The following ANTXR2 variants were observed in gnomAD, a reference collection of about 807,000 sequenced individuals.
The protein encoded by ANTXR2 is anthrax toxin receptor 2.
In ANTXR2, 44 loss-of-function variants were observed where a neutral mutation model predicts 73.7. The observed-to-expected ratio is 0.60, with a 90% CI of 0.47 to 0.77. The LOEUF (loss-of-function observed/expected upper bound fraction) is 0.77. Ranked by LOEUF, ANTXR2 falls within the 30% of genes least tolerant of loss-of-function variation. The probability of loss-of-function intolerance (pLI) is 0.00; values close to 1 mark genes in which losing one functional copy is unlikely to be tolerated. For missense variants in ANTXR2, 604 were observed against 592.5 expected (o/e 1.02, Z -0.20); for synonymous variants, 217 against 205.9 (o/e 1.05, Z -0.46).
chr4:79,928,187 C>G (rs1311181194), intron 16 of ANTXR2, among the ~76,000 whole-genome samples: 1 of 152,098 alleles, frequency 6.6e-6, no homozygotes, highest in Non-Finnish European at 1.5e-5. Context: ...GAAAAAGAAA[C>G]GAAATTTAGA....
chr4:80,002,635 G>T (rs1731101318), intron 12 of ANTXR2, among the ~76,000 whole-genome samples: 1 of 151,768 alleles, frequency 6.6e-6, no homozygotes, highest in Non-Finnish European at 1.5e-5. Flanking sequence ...CCTACAAAAT[G>T]GGAGAAAATT....
intron 7 of ANTXR2, among the ~76,000 whole-genome samples, chr4:80,038,736 C>T (rs1411987181): frequency 2.0e-5 from 3 of 151,968 alleles, no homozygotes; most frequent in African/African-American, 7.2e-5. Flanking sequence ...TCAGGTAACA[C>T]ATTCATTGAA....
intron 14 of ANTXR2, among the ~76,000 whole-genome samples, chr4:79,981,337 C>G (rs984596590): frequency 6.6e-6 from 1 of 152,118 alleles, no homozygotes; most frequent in Non-Finnish European, 1.5e-5. Flanking sequence ...CAAACCTGAC[C>G]TCATCTGATG....
intron 16 of ANTXR2, among the ~76,000 whole-genome samples, chr4:79,960,451 T>C (rs1729100830): frequency 6.6e-6 from 1 of 152,074 alleles, no homozygotes; most frequent in South Asian, 2.1e-4. Flanking sequence ...TATCAGAGAA[T>C]AAAATTATTG....
intron 12 of ANTXR2, among the ~76,000 whole-genome samples, chr4:80,006,057 A>G (rs1470840153): frequency 3.3e-5 from 5 of 152,128 alleles, no homozygotes; most frequent in Admixed American, 3.3e-4. Context: ...AGAACTGTCA[A>G]CATCTTATTC....
intron 12 of ANTXR2, among the ~76,000 whole-genome samples, chr4:79,999,854 T>G (rs1730935440): frequency 6.6e-6 from 1 of 151,814 alleles, no homozygotes; most frequent in Non-Finnish European, 1.5e-5. Flanking sequence ...GCCGAGGAGT[T>G]CTAGGCTGCA....
chr4:80,062,909 A>T (rs1263408811), intron 3 of ANTXR2, among the ~76,000 whole-genome samples: 4 of 152,180 alleles, frequency 2.6e-5, no homozygotes, highest in Non-Finnish European at 4.4e-5. Context: ...TGATGAAAAT[A>T]AGGATGGTGT....
At chr4:80,013,470 G>C (rs1035198946) in intron 11 of ANTXR2, among the ~76,000 whole-genome samples, 1 of 152,150 alleles carries the variant, frequency 6.6e-6, no homozygotes, top group African/African-American at 2.4e-5. Context: ...GCATACAGAG[G>C]AGCTTCTTTA....
chr4:80,063,817 T>C (rs1312355182), intron 3 of ANTXR2, among the ~76,000 whole-genome samples: 1 of 152,194 alleles, frequency 6.6e-6, no homozygotes, highest in African/African-American at 2.4e-5. Flanking sequence ...GTATCATCAA[T>C]TGATAAGCAT....
At chr4:79,933,967 T>A (rs969324958) in intron 16 of ANTXR2, among the ~76,000 whole-genome samples, 1 of 152,026 alleles carries the variant, frequency 6.6e-6, no homozygotes, top group Non-Finnish European at 1.5e-5. Context: ...CTCGATCTCC[T>A]GACCTCGTGA....
intron 16 of ANTXR2, among the ~76,000 whole-genome samples, chr4:79,956,822 C>A (rs888429600): frequency 1.5e-4 from 23 of 151,890 alleles, no homozygotes; most frequent in African/African-American, 5.1e-4. Context: ...GTATTGGAAA[C>A]CCAAGTTTTA....
chr4:79,911,035 T>G (rs1013594444), intron 16 of ANTXR2, among the ~76,000 whole-genome samples: 1 of 152,198 alleles, frequency 6.6e-6, no homozygotes, highest in African/African-American at 2.4e-5. Flanking sequence ...GATAGCATCG[T>G]CCTTCAACTA....
At chr4:80,000,315 T>C (rs1730968730) in intron 12 of ANTXR2, among the ~76,000 whole-genome samples, 1 of 152,072 alleles carries the variant, frequency 6.6e-6, no homozygotes, top group South Asian at 2.1e-4. Flanking sequence ...AGTGATTGTA[T>C]CATAAATTTC....
intron 14 of ANTXR2, among the ~76,000 whole-genome samples, chr4:79,978,652 T>C (rs1217157214): frequency 2.0e-5 from 3 of 152,202 alleles, no homozygotes; most frequent in African/African-American, 7.2e-5. Flanking sequence ...TGCAGTGAGA[T>C]AGAGACTCTA....
chr4:79,978,634 T>C (rs1729749031), intron 14 of ANTXR2, among the ~76,000 whole-genome samples: 1 of 152,192 alleles, frequency 6.6e-6, no homozygotes, highest in South Asian at 2.1e-4. Flanking sequence ...ATTTAATCCA[T>C]ACAAAAATGC....
chr4:79,999,075 C>A (rs1385558955), intron 12 of ANTXR2, among the ~76,000 whole-genome samples: 2 of 152,036 alleles, frequency 1.3e-5, no homozygotes, highest in South Asian at 2.1e-4. Context: ...TAAAAATAGT[C>A]TCTTATTAAA....
chr4:80,003,941 G>A (rs9995973), intron 12 of ANTXR2, among the ~76,000 whole-genome samples: 114,990 of 151,954 alleles, frequency 0.76, 43,767 homozygotes, highest in East Asian at 0.94. Flanking sequence ...TTAAGTTTAT[G>A]TAAAAACCTG....
chr4:80,055,259 G>A, intron 5 of ANTXR2, 41 bp from the exon 6 acceptor site: 1 of 1,547,972 alleles, frequency 6.5e-7, no homozygotes, highest in Non-Finnish European at 8.8e-7. Flanking sequence ...AAAAGAGAGG[G>A]GAGAGGGAGA....
At chr4:80,029,354 T>G (rs1237152158) in intron 10 of ANTXR2, among the ~76,000 whole-genome samples, 1 of 152,030 alleles carries the variant, frequency 6.6e-6, no homozygotes, top group East Asian at 1.9e-4. Context: ...TTTTCTGCTT[T>G]AAATAGTATG....
Sources: gnomAD v4.1 joint callset for allele counts (sites outside exome capture counted in the v4.1 genomes callset) on GRCh38, gnomAD v4.1.1 for gene constraint, MANE v1.5 for transcripts, NCBI Gene and HGNC (gene_info 2026-07-23, HGNC 2026-07-21) for gene names.